Variants in COL11A1 observed in about 807,000 individuals in gnomAD.
The protein encoded by COL11A1 is collagen alpha-1(XI) chain.
Under a neutral mutation model 265.2 loss-of-function variants are expected in COL11A1, and 74 were observed. That is an observed-to-expected ratio of 0.28 (90% CI 0.23 to 0.34). The LOEUF is 0.34. COL11A1 is among the 10% of genes least tolerant of loss of function. The pLI, the probability that COL11A1 is intolerant of heterozygous loss-of-function variation, is 1.00. For synonymous variants in COL11A1, 816 were observed against 727.6 expected (o/e 1.12, Z -1.96); for missense variants, 2,165 against 2,263.6 (o/e 0.96, Z 0.88).
chr1:103,108,380 T>C lies in COL11A1; in HGVS notation c.-202A>G. 1 of 631,446 alleles carries C rather than the reference T, an allele frequency of 1.6e-6. No individual in the cohort carries two copies. The highest frequency in any genetic ancestry group is 2.9e-6 in the Non-Finnish European group (1 of 350,850). 39.1% of individuals were successfully genotyped at this position (631,446 alleles called of 1,614,324 possible). On this transcript the variant is annotated 5_prime_UTR_variant, in exon 1 of 67. Coordinates refer to ENST00000370096, the MANE Select transcript of COL11A1 (RefSeq NM_001854.4). ...TCTAGCCCTTTCCTCTCCCTCTGAGTTGGCCCCACCGGCCGGGACCCTCCG... is the reference window on the plus strand; with the variant it reads ...TCTAGCCCTTTCCTCTCCCTCTGAGCTGGCCCCACCGGCCGGGACCCTCCG...
At chr1:103,066,037 G>C (rs6668790) in intron 4 of COL11A1, among the ~76,000 whole-genome samples, 2,050 of 152,072 alleles carry the variant, frequency 0.013, 46 homozygotes, top group African/African-American at 0.046. Flanking sequence ...GAATTCTATG[G>C]TCAGTGAAAA....
intron 49 of COL11A1, 147 bp downstream of exon 49, chr1:102,920,164 T>A (rs1342098069): frequency 1.3e-6 from 1 of 791,814 alleles, no homozygotes; most frequent in Non-Finnish European, 2.2e-6. Flanking sequence ...TTAACTTTAA[T>A]TTTTGCAACT....
Position 102,979,373 on chromosome 1 carries a change from A to G in COL11A1, c.2610+9T>C, listed in dbSNP as rs754222130. 2.3e-5 allele frequency: 37 copies of G among 1,599,170 alleles called. No individual in the cohort carries two copies. Among genetic ancestry groups the G allele is most frequent in the Middle Eastern group, 3.3e-4 (2 of 6,056 alleles). On this transcript the variant is annotated intron_variant, in intron 32 of 66. Transcript: ENST00000370096. The stretch of plus-strand genomic sequence containing the variant: ...TATACATAGTTCAAAACATATTTAT[A>G]TATCATACCCGTGCACCTTTCTCTC...
chr1:103,040,279 A>G (rs1571122755), intron 4 of COL11A1, among the ~76,000 whole-genome samples: 1 of 151,212 alleles, frequency 6.6e-6, no homozygotes, highest in East Asian at 1.9e-4. Flanking sequence ...TTCCAATTAT[A>G]TATATTATAT....
chr1:103,091,311 T>A (rs182922155), intron 1 of COL11A1, among the ~76,000 whole-genome samples: 3 of 152,128 alleles, frequency 2.0e-5, no homozygotes, highest in African/African-American at 7.2e-5. Context: ...TATTAGAAAA[T>A]TAAGCACATT....
At chr1:103,049,848 T>C (rs916477439) in intron 4 of COL11A1, among the ~76,000 whole-genome samples, 2 of 152,206 alleles carry the variant, frequency 1.3e-5, no homozygotes, top group African/African-American at 4.8e-5. Flanking sequence ...TTATTTCTCC[T>C]TCACTTATGA....
chr1:102,878,524 T>A (rs182950418), intron 66 of COL11A1, among the ~76,000 whole-genome samples: 172 of 131,678 alleles, frequency 1.3e-3, no homozygotes, highest in African/African-American at 4.4e-3. Flanking sequence ...TTCTTTCTTT[T>A]TTTTTTTTTG....
intron 4 of COL11A1, among the ~76,000 whole-genome samples, chr1:103,049,181 C>T (rs2102115891): frequency 6.6e-6 from 1 of 152,204 alleles, no homozygotes; most frequent in East Asian, 1.9e-4. Flanking sequence ...GTTGATCTGT[C>T]TAATGTTGAC....
chr1:103,015,708 T>C lies in COL11A1; in HGVS notation c.1448A>G (p.Asp483Gly). 6.2e-7 allele frequency: 1 copy of C among 1,609,120 alleles called. No homozygotes were observed. The highest frequency in any genetic ancestry group is 1.3e-5 in the African/African-American group (1 of 74,862). ...PPGRPGLPGA[D>G]GLPGPPGTML... ...AGTACCAGGAGGACCAGGTAGACCA[T>C]CAGCCCCTGGTAAGCCAGGACGTCC... Residue 483 changes from aspartate to glycine, a missense_variant, in exon 12 of 67, where the codon GAT becomes GGT. Physicochemically the swap from Asp to Gly is moderately conservative, Grantham distance 94. Coordinates refer to ENST00000370096, the MANE Select transcript of COL11A1 (RefSeq NM_001854.4).
At chr1:103,014,825 C>A (rs893589799) in intron 12 of COL11A1, among the ~76,000 whole-genome samples, 1 of 152,006 alleles carries the variant, frequency 6.6e-6, no homozygotes. Flanking sequence ...AAACTAGAAA[C>A]TCTGTTTCAA....
chr1:103,076,873 T>C (rs1672012678), intron 3 of COL11A1, among the ~76,000 whole-genome samples: 1 of 152,124 alleles, frequency 6.6e-6, no homozygotes. Context: ...AATAGATAAA[T>C]ACTTATGGAA....
intron 4 of COL11A1, among the ~76,000 whole-genome samples, chr1:103,038,161 A>G (rs1272901501): frequency 4.6e-5 from 7 of 152,184 alleles, no homozygotes; most frequent in Non-Finnish European, 2.9e-5. Context: ...ATGAAACTGT[A>G]TGACGAATTC....
In COL11A1 at chr1:102,890,485, C is replaced by A; in HGVS notation, c.4322G>T (p.Gly1441Val). 1.2e-6 allele frequency: 2 copies of A among 1,607,428 alleles called. No individual in the cohort carries two copies. Among genetic ancestry groups the A allele is most frequent in the Non-Finnish European group, 1.7e-6 (2 of 1,177,328 alleles). ...PGPMGPPGLP[G>V]LKGDPGSKGE... ...CTTGGAGCCAGGGTCACCTTTGAGA[C>A]CAGGTAAGCCAGGAGGTCCCTAAAT... The change falls in exon 58 of 67, where the codon GGT becomes GTT. Residue 1441 changes from glycine to valine, a missense_variant. Transcript: ENST00000370096.
At chr1:103,024,854 T>C (rs1015494831) in intron 7 of COL11A1, among the ~76,000 whole-genome samples, 14 of 152,108 alleles carry the variant, frequency 9.2e-5, no homozygotes, top group African/African-American at 3.4e-4. Context: ...CCAAAATGTA[T>C]ACCAGATATT....
chr1:102,986,250 C>A (rs954558321), intron 30 of COL11A1, among the ~76,000 whole-genome samples: 3 of 151,878 alleles, frequency 2.0e-5, no homozygotes, highest in Admixed American at 6.6e-5. Flanking sequence ...ATGATGAGTT[C>A]ATGTCCTTTG....
chr1:102,980,261 T>C (rs1557898734), intron 31 of COL11A1, among the ~76,000 whole-genome samples: 2 of 152,098 alleles, frequency 1.3e-5, no homozygotes, highest in Non-Finnish European at 2.9e-5. Context: ...TAAAATGAAA[T>C]GTTTATAAAA....
At position 102,888,938 on chromosome 1, in the gene COL11A1, A is replaced by T; in HGVS notation, c.4465-19T>A. 1 of 1,605,168 alleles carries T rather than the reference A, an allele frequency of 6.2e-7. No homozygotes were observed. Among genetic ancestry groups the T allele is most frequent in the Non-Finnish European group, 8.5e-7 (1 of 1,171,870 alleles). On this transcript the variant is annotated intron_variant, in intron 59 of 66. Coordinates refer to ENST00000370096, the MANE Select transcript of COL11A1 (RefSeq NM_001854.4). ...GAATTCCCTAGAGAGAGAATCAGCC[A>T]ATTTAAAGGGATTTTCTCAGCTATT...
chr1:103,085,532 T>C (rs966578552), intron 1 of COL11A1, among the ~76,000 whole-genome samples: 2 of 152,160 alleles, frequency 1.3e-5, no homozygotes, highest in Admixed American at 6.5e-5. Context: ...AACGGACTTT[T>C]TTTTTTTCTT....
chr1:102,914,989 C>A (rs1482746588), intron 50 of COL11A1, among the ~76,000 whole-genome samples, 178 bp from the exon 51 acceptor site: 1 of 152,130 alleles, frequency 6.6e-6, no homozygotes, highest in African/African-American at 2.4e-5. Context: ...ACTGCAACCT[C>A]TGCCTCCCAG....
Sources: allele counts gnomAD v4.1 joint callset (sites outside exome capture counted in the v4.1 genomes callset), GRCh38; gene constraint gnomAD v4.1.1; transcripts MANE v1.5; gene names NCBI Gene and HGNC (gene_info 2026-07-23, HGNC 2026-07-21).